The following GLI2 variants were observed in gnomAD, a reference collection of about 807,000 sequenced individuals.
GLI2 encodes the protein transcription activator GLI2.
Under a neutral mutation model 78.9 loss-of-function variants are expected in GLI2, and 22 were observed. The observed-to-expected ratio is 0.28, with a 90% CI of 0.20 to 0.40. The LOEUF (loss-of-function observed/expected upper bound fraction) is 0.40. Ranked by LOEUF, GLI2 falls within the 10% of genes least tolerant of loss-of-function variation. The probability of loss-of-function intolerance (pLI) is 1.00; values close to 1 mark genes in which losing one functional copy is unlikely to be tolerated. For missense variants in GLI2, 2,097 were observed against 2,213.2 expected, an observed-to-expected ratio of 0.95 and a Z score of 1.05; for synonymous variants, 974 against 963.7, an observed-to-expected ratio of 1.01 and a Z score of -0.20.
At chr2:120,932,897 G>A (rs188779178) in intron 3 of GLI2, among the ~76,000 whole-genome samples, 1 of 152,338 alleles carries the variant, frequency 6.6e-6, no homozygotes, top group African/African-American at 2.4e-5. Context: ...GGGGCTGAAG[G>A]AGTGCTGTGG....
intron 3 of GLI2, among the ~76,000 whole-genome samples, chr2:120,929,373 T>C (rs1267256537): frequency 6.6e-6 from 1 of 152,246 alleles, no homozygotes; most frequent in Non-Finnish European, 1.5e-5. Flanking sequence ...CTGTTTCTTA[T>C]CATATTTTCA....
intron 3 of GLI2, among the ~76,000 whole-genome samples, chr2:120,929,780 G>A (rs566616925): frequency 1.3e-5 from 2 of 152,286 alleles, no homozygotes; most frequent in East Asian, 1.9e-4. Context: ...TGTCTGCCTG[G>A]TGGGTGTTGG....
intron 2 of GLI2, among the ~76,000 whole-genome samples, chr2:120,869,127 GGA>G (rs1553459048): frequency 9.1e-5 from 4 of 44,054 alleles, no homozygotes; most frequent in African/African-American, 2.2e-4. Context: ...AGGTCACAGA[GGA>G]GACCATTTCT....
chr2:120,748,100 C>T (rs1204155205), intron 1 of GLI2, among the ~76,000 whole-genome samples: 17 of 152,182 alleles, frequency 1.1e-4, no homozygotes, highest in Admixed American at 9.2e-4. Context: ...TTGCCTAGGA[C>T]GGAGCCTACT....
intron 11 of GLI2, among the ~76,000 whole-genome samples, chr2:120,983,141 T>G (rs1682793472): frequency 6.6e-6 from 1 of 152,186 alleles, no homozygotes; most frequent in Admixed American, 6.5e-5. Context: ...CTCAATTTCC[T>G]TATCTCCATA....
chr2:120,917,245 G>C (rs1417961516), intron 2 of GLI2, among the ~76,000 whole-genome samples: 1 of 152,246 alleles, frequency 6.6e-6, no homozygotes, highest in Non-Finnish European at 1.5e-5. Context: ...ATAGGATTAA[G>C]TGGTTTAACT....
At chr2:120,784,642 T>C (rs60099488) in intron 1 of GLI2, among the ~76,000 whole-genome samples, 4,962 of 152,164 alleles carry the variant, frequency 0.033, 236 homozygotes, top group African/African-American at 0.11. Context: ...GACTCAGAGC[T>C]ACAGGCTTCC....
intron 1 of GLI2, among the ~76,000 whole-genome samples, chr2:120,783,517 T>C (rs1683906814): frequency 6.6e-6 from 1 of 151,706 alleles, no homozygotes. Flanking sequence ...GAGGCTTGAT[T>C]GATTGTGTCT....
In GLI2 at chr2:120,835,258, G is replaced by T. The variant is rs551457618; in HGVS notation, c.148+37790G>T. Among the ~76,000 whole-genome samples the T allele has an allele frequency of 4.4e-4, 67 of 152,236 alleles. 1 individual carries two copies. Among genetic ancestry groups the T allele is most frequent in the Admixed American group, 1.8e-3 (27 of 15,294 alleles). On this transcript the variant is annotated intron_variant, in intron 2 of 13. Transcript: ENST00000361492. ...CAGTGCCCCACAGAGCTGCCCAGGAGCTGAGCACAACCAATACCAGGCTTT... is the reference window on the plus strand; with the variant it reads ...CAGTGCCCCACAGAGCTGCCCAGGATCTGAGCACAACCAATACCAGGCTTT...
chr2:120,790,372 G>A (rs72969981), intron 1 of GLI2, among the ~76,000 whole-genome samples: 14 of 152,314 alleles, frequency 9.2e-5, no homozygotes, highest in African/African-American at 3.1e-4. Context: ...AGGGGCATGG[G>A]GCTGACCCAG....
At chr2:120,738,213 A>G (rs981123795) in intron 1 of GLI2, among the ~76,000 whole-genome samples, 1 of 152,214 alleles carries the variant, frequency 6.6e-6, no homozygotes, top group Non-Finnish European at 1.5e-5. Flanking sequence ...CAGTCATTCT[A>G]GAATGTGGAA....
At chr2:120,960,998 G>A (rs1481300397) in intron 5 of GLI2, among the ~76,000 whole-genome samples, 1 of 152,196 alleles carries the variant, frequency 6.6e-6, no homozygotes, top group Non-Finnish European at 1.5e-5. Flanking sequence ...GCGGCTCCCT[G>A]GAGAGCGGAG....
At chr2:120,871,729 C>T (rs975050771) in intron 2 of GLI2, among the ~76,000 whole-genome samples, 1 of 152,212 alleles carries the variant, frequency 6.6e-6, no homozygotes, top group African/African-American at 2.4e-5. Context: ...GGGCTTTCTC[C>T]CTGGGGTAGC....
chr2:120,915,398 C>T (rs1164710672), intron 2 of GLI2, among the ~76,000 whole-genome samples: 1 of 152,144 alleles, frequency 6.6e-6, no homozygotes, highest in Non-Finnish European at 1.5e-5. Flanking sequence ...CCAAGTGAGA[C>T]AGAAGCACTT....
At chr2:120,822,568 A>C (rs980179395) in intron 2 of GLI2, among the ~76,000 whole-genome samples, 2 of 152,134 alleles carry the variant, frequency 1.3e-5, no homozygotes, top group African/African-American at 4.8e-5. Flanking sequence ...CCTGTTTACT[A>C]TTTTTCTGAT....
intron 1 of GLI2, among the ~76,000 whole-genome samples, chr2:120,763,465 A>G (rs901013079): frequency 6.6e-6 from 1 of 152,240 alleles, no homozygotes; most frequent in Non-Finnish European, 1.5e-5. Flanking sequence ...GTCTCTTGGC[A>G]AGAATCTGAT....
At chr2:120,848,200 C>T (rs1687215204) in intron 2 of GLI2, among the ~76,000 whole-genome samples, 1 of 152,214 alleles carries the variant, frequency 6.6e-6, no homozygotes, top group Non-Finnish European at 1.5e-5. Context: ...CCGGGATGGG[C>T]CTGACTCCGC....
chr2:120,927,192 A>ATTAT (rs1679722642), intron 2 of GLI2, among the ~76,000 whole-genome samples, 169 bp from the exon 3 acceptor site: 1 of 152,156 alleles, frequency 6.6e-6, no homozygotes, highest in Admixed American at 6.5e-5. Flanking sequence ...GCAGACTTTG[A>ATTAT]TTATTTATTC....
At chr2:120,891,129 G>C (rs557906432) in intron 2 of GLI2, among the ~76,000 whole-genome samples, 3 of 152,340 alleles carry the variant, frequency 2.0e-5, no homozygotes, top group African/African-American at 7.2e-5. Context: ...TGGCTGGTGG[G>C]GAGCAGGCAG....
Sources: allele counts gnomAD v4.1 joint callset (sites outside exome capture counted in the v4.1 genomes callset), GRCh38; gene constraint gnomAD v4.1.1; transcripts MANE v1.5; gene names NCBI Gene and HGNC (gene_info 2026-07-23, HGNC 2026-07-21).